INPP4B: variants seen among roughly 807,000 people sequenced by gnomAD.
INPP4B encodes the protein inositol polyphosphate-4-phosphatase type II B, also known as inositol polyphosphate 4-phosphatase type II.
INPP4B carries 55 observed loss-of-function variants against 122.5 expected under a neutral mutation model. That is an observed-to-expected ratio of 0.45 (90% CI 0.36 to 0.56). The LOEUF is 0.56. Among genes scored for constraint, INPP4B ranks in the 20% least tolerant of loss-of-function variants. INPP4B has a pLI of 0.00. For synonymous variants in INPP4B, 403 were observed against 388.7 expected (o/e 1.04, Z -0.43); for missense variants, 1,000 against 1,097.7 (o/e 0.91, Z 1.26).
intron 1 of INPP4B, among the ~76,000 whole-genome samples, chr4:142,733,324 T>G (rs1766365317): frequency 6.6e-6 from 1 of 152,088 alleles, no homozygotes; most frequent in Non-Finnish European, 1.5e-5. Context: ...ATTAAAAACT[T>G]CTGTTTACCA....
chr4:142,612,979 T>A (rs572535243), intron 2 of INPP4B, among the ~76,000 whole-genome samples: 1 of 152,334 alleles, frequency 6.6e-6, no homozygotes, highest in Non-Finnish European at 1.5e-5. Context: ...AGAAATAATG[T>A]AAGTGCCATA....
At chr4:142,149,604 G>A (rs1255795611) in intron 17 of INPP4B, among the ~76,000 whole-genome samples, 1 of 152,178 alleles carries the variant, frequency 6.6e-6, no homozygotes, top group Non-Finnish European at 1.5e-5. Flanking sequence ...AGGTAGAGGT[G>A]TGTGCCACTT....
intron 5 of INPP4B, among the ~76,000 whole-genome samples, chr4:142,415,544 C>T (rs1805524630): frequency 6.6e-6 from 1 of 151,982 alleles, no homozygotes; most frequent in African/African-American, 2.4e-5. Context: ...AACACTTTTA[C>T]ACTGTTGGTG....
intron 21 of INPP4B, among the ~76,000 whole-genome samples, chr4:142,114,350 A>G (rs1360064674): frequency 6.6e-6 from 1 of 152,006 alleles, no homozygotes; most frequent in African/African-American, 2.4e-5. Context: ...GTAATTTTAT[A>G]TTTAACTTTT....
intron 1 of INPP4B, among the ~76,000 whole-genome samples, chr4:142,845,256 GC>G (rs535064740): frequency 1.3e-5 from 2 of 152,228 alleles, no homozygotes; most frequent in African/African-American, 2.4e-5. Flanking sequence ...AGAAACTACT[GC>G]CCCCAAGGAA....
chr4:142,067,766 A>G (rs1417324114), intron 25 of INPP4B, among the ~76,000 whole-genome samples: 3 of 152,174 alleles, frequency 2.0e-5, no homozygotes, highest in Non-Finnish European at 4.4e-5. Flanking sequence ...TGAAGTGAGA[A>G]GAGAAGTTTA....
Position 142,523,256 on chromosome 4 carries a change from T to G in INPP4B, c.-190-60530A>C, listed in dbSNP as rs564481100. ...CTCTGACGTGTGGACCAACAATTCA[T>G]GTTTTAACTAGCCCCCAGATAATTC... On this transcript the variant is annotated intron_variant, in intron 2 of 25. Transcript: ENST00000262992. Among the ~76,000 whole-genome samples, 8 of 152,234 alleles carry G rather than the reference T, an allele frequency of 5.3e-5. No individual in the cohort carries two copies. The South Asian group carries it at 1.2e-3, about 24-fold the overall frequency.
intron 1 of INPP4B, among the ~76,000 whole-genome samples, chr4:142,784,722 A>G (rs1209555478): frequency 6.6e-6 from 1 of 151,956 alleles, no homozygotes; most frequent in Non-Finnish European, 1.5e-5. Context: ...GATCTGAGAA[A>G]AATGTTTTTT....
At chr4:142,444,539 A>ATT (rs1812491612) in intron 3 of INPP4B, among the ~76,000 whole-genome samples, 1 of 151,810 alleles carries the variant, frequency 6.6e-6, no homozygotes, top group Non-Finnish European at 1.5e-5. Context: ...AAAAATTTAC[A>ATT]CTCCCACCAC....
intron 25 of INPP4B, among the ~76,000 whole-genome samples, chr4:142,067,848 T>C (rs13435221): frequency 0.026 from 3,890 of 152,214 alleles, 186 homozygotes; most frequent in African/African-American, 0.089. Context: ...ACCAAATCTA[T>C]GTCTGATTGG....
intron 2 of INPP4B, among the ~76,000 whole-genome samples, chr4:142,482,620 T>G (rs899675092): frequency 4.1e-4 from 62 of 152,188 alleles, no homozygotes; most frequent in African/African-American, 1.5e-3. Context: ...TAAGAGACAC[T>G]GATTAGTACT....
At chr4:142,236,213 G>A (rs1411585133) in intron 12 of INPP4B, among the ~76,000 whole-genome samples, 1 of 152,210 alleles carries the variant, frequency 6.6e-6, no homozygotes, top group Non-Finnish European at 1.5e-5. Context: ...CATGGCTCTA[G>A]TAAGAGTGGT....
chr4:142,803,815 G>C (rs1473194838), intron 1 of INPP4B, among the ~76,000 whole-genome samples: 1 of 152,036 alleles, frequency 6.6e-6, no homozygotes, highest in Non-Finnish European at 1.5e-5. Context: ...AAATCACTTT[G>C]GGAGGCCGAG....
chr4:142,453,023 T>C (rs1030616445), intron 3 of INPP4B, among the ~76,000 whole-genome samples: 4 of 152,202 alleles, frequency 2.6e-5, no homozygotes, highest in African/African-American at 9.6e-5. Context: ...AATAATATAT[T>C]GTCCACACCT....
intron 24 of INPP4B, among the ~76,000 whole-genome samples, chr4:142,084,148 G>A (rs1027904811): frequency 3.3e-5 from 5 of 151,904 alleles, no homozygotes; most frequent in South Asian, 2.1e-4. Context: ...TTTTTGAGAC[G>A]GAGTCTCACT....
At chr4:142,707,759 A>G (rs1762631332) in intron 2 of INPP4B, among the ~76,000 whole-genome samples, 1 of 152,242 alleles carries the variant, frequency 6.6e-6, no homozygotes, top group African/African-American at 2.4e-5. Context: ...CAATGCAAGA[A>G]CAGGCAAATA....
intron 2 of INPP4B, among the ~76,000 whole-genome samples, chr4:142,653,616 A>G (rs948690286): frequency 2.6e-5 from 4 of 152,236 alleles, no homozygotes; most frequent in Non-Finnish European, 4.4e-5. Context: ...GACACATGAA[A>G]AAATGCTCAT....
intron 1 of INPP4B, among the ~76,000 whole-genome samples, chr4:142,736,734 T>C (rs529474847): frequency 2.0e-5 from 3 of 152,152 alleles, no homozygotes; most frequent in Non-Finnish European, 4.4e-5. Flanking sequence ...TACAATCATG[T>C]CATCTGCAAA....
At chr4:142,811,568 A>C (rs947538861) in intron 1 of INPP4B, among the ~76,000 whole-genome samples, 2 of 152,224 alleles carry the variant, frequency 1.3e-5, no homozygotes, top group Admixed American at 1.3e-4. Flanking sequence ...ACATTGATAC[A>C]ATCAAAAAAT....
Sources: gnomAD v4.1 joint callset for allele counts (sites outside exome capture counted in the v4.1 genomes callset) on GRCh38, gnomAD v4.1.1 for gene constraint, MANE v1.5 for transcripts, NCBI Gene and HGNC (gene_info 2026-07-23, HGNC 2026-07-21) for gene names.